The following ERMP1 variants were observed in gnomAD, a reference collection of about 807,000 sequenced individuals.
ERMP1 encodes the protein Felix-ina.
Under a neutral mutation model 92.0 loss-of-function variants are expected in ERMP1, and 86 were observed. That is an observed-to-expected ratio of 0.93 (90% CI 0.79 to 1.12). The LOEUF is 1.12. Among genes scored for constraint, ERMP1 ranks in the 50% most tolerant of loss-of-function variants. ERMP1 has a pLI of 0.00. For synonymous variants in ERMP1, 530 were observed against 412.8 expected, an observed-to-expected ratio of 1.28 and a Z score of -3.44; for missense variants, 1,342 against 1,116.3, an observed-to-expected ratio of 1.20 and a Z score of -2.88.
chr9:5,847,677 T>C (rs570154765), intron 6 of ERMP1, among the ~76,000 whole-genome samples: 1 of 152,060 alleles, frequency 6.6e-6, no homozygotes, highest in Admixed American at 6.5e-5. Flanking sequence ...GGGCGGATCA[T>C]GAGGTCAAGA....
chr9:5,825,137 A>G lies in ERMP1; in HGVS notation c.723T>C (p.His241=). Residue 241 remains histidine (H), a synonymous_variant, in exon 3 of 15, where the codon CAT becomes CAC. Coordinates refer to ENST00000339450, the MANE Select transcript of ERMP1 (RefSeq NM_024896.3). ...VLSTSSEALH[H]AVIFLFNGAE... ...CACCATTAAAGAGAAATATGACAGCATGATGCAAGGCTTCTGAAGATGTTG... is the reference window on the plus strand; with the variant it reads ...CACCATTAAAGAGAAATATGACAGCGTGATGCAAGGCTTCTGAAGATGTTG... The G allele has an allele frequency of 6.2e-7, 1 of 1,614,176 alleles. No homozygotes were observed. The highest frequency in any genetic ancestry group is 8.5e-7 in the Non-Finnish European group (1 of 1,179,980).
intron 4 of ERMP1, among the ~76,000 whole-genome samples, chr9:5,816,805 G>A (rs1829324476): frequency 1.3e-5 from 2 of 152,068 alleles, no homozygotes; most frequent in African/African-American, 2.4e-5. Context: ...AGCTCGGAGT[G>A]GTCACATGAC....
chr9:5,845,967 C>A (rs950667739), intron 6 of ERMP1, among the ~76,000 whole-genome samples: 2 of 152,148 alleles, frequency 1.3e-5, no homozygotes, highest in African/African-American at 4.8e-5. Context: ...GAGTGTCAGG[C>A]AGGCCTGGAT....
At position 5,810,280 on chromosome 9, in the gene ERMP1, G is replaced by C. The variant is rs149931818; in HGVS notation, c.1328-49C>G. ...TGAAATCACCATCTTCATCAAATCAGTTATATAACCAGTCAGTAGAGCTAA... is the reference window on the plus strand; with the variant it reads ...TGAAATCACCATCTTCATCAAATCACTTATATAACCAGTCAGTAGAGCTAA... On this transcript the variant is annotated intron_variant, in intron 7 of 14. Coordinates refer to ENST00000339450, the MANE Select transcript of ERMP1 (RefSeq NM_024896.3). 24 of 1,386,230 alleles carry C rather than the reference G, an allele frequency of 1.7e-5. 1 individual carries two copies. The Middle Eastern group carries it at 8.8e-4, about 51-fold the overall frequency. The allele number at this position is 1,386,230 out of a possible 1,614,324, so 85.9% of individuals were successfully genotyped here.
chr9:5,795,129 G>C (rs1828361699), intron 13 of ERMP1, among the ~76,000 whole-genome samples: 1 of 151,966 alleles, frequency 6.6e-6, no homozygotes, highest in South Asian at 2.1e-4. Context: ...ACATCAAAAG[G>C]CTAAGAAAGA....
At chr9:5,790,103 GAGAA>G (rs1046111508) in intron 13 of ERMP1, among the ~76,000 whole-genome samples, 1 of 151,368 alleles carries the variant, frequency 6.6e-6, no homozygotes, top group Admixed American at 6.6e-5. Flanking sequence ...AAATGGGAGA[GAGAA>G]AGAGGAAAGT....
At chr9:5,856,940 G>A (rs1004680928) in intron 6 of ERMP1, among the ~76,000 whole-genome samples, 6 of 152,138 alleles carry the variant, frequency 3.9e-5, no homozygotes, top group Non-Finnish European at 5.9e-5. Flanking sequence ...TTTATGACCA[G>A]TCTTGGGGGC....
At chr9:5,853,607 A>C (rs1050680907) in intron 6 of ERMP1, among the ~76,000 whole-genome samples, 1 of 152,042 alleles carries the variant, frequency 6.6e-6, no homozygotes, top group Non-Finnish European at 1.5e-5. Context: ...AATCATGGAA[A>C]GCCAGGCAGA....
At chr9:5,791,780 T>G (rs1828208443) in intron 13 of ERMP1, among the ~76,000 whole-genome samples, 1 of 152,118 alleles carries the variant, frequency 6.6e-6, no homozygotes, top group African/African-American at 2.4e-5. Flanking sequence ...ACACATGTCT[T>G]GAGTACCCAT....
chr9:5,832,844 T>A lies in ERMP1; in HGVS notation c.184A>T (p.Arg62Trp). ...TCAGACAGCCCGGTCCCCGCGCCCC[T>A]GCTCGCGCCGCCGCTACCCCCGGGG... is the stretch of plus-strand genomic sequence containing the variant. ...RSPGGSGGAS[R>W]GAGTGLSEVR... The change falls in exon 1 of 15, where the codon AGG becomes TGG. Residue 62 changes from arginine (R) to tryptophan (W), a missense_variant. Coordinates refer to ENST00000339450, the MANE Select transcript of ERMP1 (RefSeq NM_024896.3). The A allele has an allele frequency of 2.0e-6, 3 of 1,504,130 alleles. No homozygotes were observed. The highest frequency in any genetic ancestry group is 2.6e-6 in the Non-Finnish European group (3 of 1,134,748). The allele number at this position is 1,504,130 out of a possible 1,614,324, so 93.2% of individuals were successfully genotyped here.
intron 5 of ERMP1, among the ~76,000 whole-genome samples, chr9:5,867,030 AC>A (rs1830690062): frequency 6.6e-6 from 1 of 152,162 alleles, no homozygotes; most frequent in African/African-American, 2.4e-5. Context: ...CCCCATCTCT[AC>A]AAGAAAATTT....
rs1828662731 is a variant in ERMP1, at chr9:5,801,280, A to G, written c.1963T>C (p.Leu655=). The change falls in exon 11 of 15, where the codon TTA becomes CTA. Residue 655 remains leucine (L), a synonymous_variant. Transcript: ENST00000339450. The part of the protein sequence containing the change: ...AKSTKKTMLT[L]TLVCAITFLL... Reference sequence around the variant, plus strand: ...AATGTAATTGCACATACCAAAGTTAAAGTTAGCATGGTTTTTTTTGTGCTC... The same window carrying G: ...AATGTAATTGCACATACCAAAGTTAGAGTTAGCATGGTTTTTTTTGTGCTC... The G allele has an allele frequency of 1.2e-6, 2 of 1,613,568 alleles. No homozygotes were observed. Among genetic ancestry groups the G allele is most frequent in the African/African-American group, 2.7e-5 (2 of 74,910 alleles).
chr9:5,861,810 G>C (rs1024776679), intron 5 of ERMP1, among the ~76,000 whole-genome samples: 1 of 149,876 alleles, frequency 6.7e-6, no homozygotes, highest in Admixed American at 6.6e-5. Context: ...CATCAGGGGA[G>C]GGGGACTGCT....
chr9:5,812,325 G>A (rs1829128724), intron 5 of ERMP1, 108 bp from the exon 6 acceptor site: 2 of 621,962 alleles, frequency 3.2e-6, no homozygotes, highest in Non-Finnish European at 5.5e-6. Context: ...CAAAGCAGTG[G>A]CACGATTGCT....
chr9:5,797,863 T>C lies in ERMP1; in HGVS notation c.2340A>G (p.Lys780=). 1 of 1,613,818 alleles carries C rather than the reference T, an allele frequency of 6.2e-7. No homozygotes were observed. The highest frequency in any genetic ancestry group is 8.5e-7 in the Non-Finnish European group (1 of 1,179,830). ...TTATAGAATCCCAAGGTGTCTGTTC[T>C]TTGGATATGAGTCGGAAATGAGGAG... ...RNPPHFRLIS[K]EQTPWDSIKL... is the part of the protein sequence containing the mutation. The change falls in exon 13 of 15, where the codon AAA becomes AAG. Residue 780 remains lysine, a synonymous_variant. Transcript: ENST00000339450.
intron 1 of ERMP1, among the ~76,000 whole-genome samples, chr9:5,831,408 C>A (rs1476630939): frequency 6.6e-6 from 1 of 152,116 alleles, no homozygotes; most frequent in Non-Finnish European, 1.5e-5. Context: ...GAGTTTGAGA[C>A]CAGCCTGGGC....
At chr9:5,841,905 A>T (rs1830168057) in intron 6 of ERMP1, among the ~76,000 whole-genome samples, 1 of 152,180 alleles carries the variant, frequency 6.6e-6, no homozygotes, top group African/African-American at 2.4e-5. Context: ...ACTTGACTTC[A>T]GGAGTGAAAC....
intron 4 of ERMP1, among the ~76,000 whole-genome samples, chr9:5,820,783 G>A (rs1194895336): frequency 1.3e-5 from 2 of 152,156 alleles, no homozygotes; most frequent in East Asian, 1.9e-4. Flanking sequence ...ATACTCTCAA[G>A]CACAACTCCA....
intron 6 of ERMP1, among the ~76,000 whole-genome samples, chr9:5,839,916 A>G (rs774749513): frequency 3.9e-5 from 6 of 152,182 alleles, no homozygotes; most frequent in Non-Finnish European, 8.8e-5. Flanking sequence ...CCTGTGTCCT[A>G]CCCACCTACT....
Sources: allele counts gnomAD v4.1 joint callset (sites outside exome capture counted in the v4.1 genomes callset), GRCh38; gene constraint gnomAD v4.1.1; transcripts MANE v1.5; gene names NCBI Gene and HGNC (gene_info 2026-07-23, HGNC 2026-07-21).